TRABD2B: variants seen among roughly 807,000 people sequenced by gnomAD.
The protein encoded by TRABD2B is TraB domain containing 2B, also known as metalloprotease TIKI2.
TRABD2B carries 14 observed loss-of-function variants against 40.1 expected under a neutral mutation model. The ratio of observed to expected loss-of-function variants is 0.35; its 90% CI spans 0.23 to 0.55. TRABD2B has a LOEUF of 0.55. Among genes scored for constraint, TRABD2B ranks in the 20% least tolerant of loss-of-function variants. TRABD2B has a pLI of 0.90. For missense variants in TRABD2B, 541 were observed against 648.6 expected (o/e 0.83, Z 1.80); for synonymous variants, 263 against 277.0 (o/e 0.95, Z 0.50).
rs79609807 is a variant in TRABD2B, at chr1:47,833,169, G to A, written c.667-31550C>T. Among the ~76,000 whole-genome samples the A allele has an allele frequency of 7.0e-3, 1,061 of 152,318 alleles. 21 individuals are homozygous for A. Among genetic ancestry groups the A allele is most frequent in the African/African-American group, 0.025 (1,021 of 41,562 alleles). ...GTCAGCACTGATGACTGGAATCCCAGGCTCTGTGGGGGATGGTGGCAGAGA... is the reference window on the plus strand; with the variant it reads ...GTCAGCACTGATGACTGGAATCCCAAGCTCTGTGGGGGATGGTGGCAGAGA... On this transcript the variant is annotated intron_variant, in intron 2 of 6. Coordinates refer to ENST00000606738, the MANE Select transcript of TRABD2B (RefSeq NM_001194986.2).
chr1:47,849,894 T>C (rs1645524412), intron 2 of TRABD2B, among the ~76,000 whole-genome samples: 1 of 152,214 alleles, frequency 6.6e-6, no homozygotes, highest in Admixed American at 6.5e-5. Flanking sequence ...AATCCCCTGA[T>C]GGGACATTTG....
intron 2 of TRABD2B, among the ~76,000 whole-genome samples, chr1:47,868,307 T>C (rs1439437940): frequency 6.6e-6 from 1 of 152,124 alleles, no homozygotes; most frequent in Non-Finnish European, 1.5e-5. Context: ...GGTAAACACT[T>C]TTCAGTGAAG....
chr1:47,990,787 AT>A (rs1557699629), intron 2 of TRABD2B, among the ~76,000 whole-genome samples: 1 of 18,376 alleles, frequency 5.4e-5, no homozygotes, highest in Non-Finnish European at 9.6e-5. Context: ...ATATATATAT[AT>A]ATATATATAT....
chr1:47,893,016 T>C (rs2124656893), intron 2 of TRABD2B, among the ~76,000 whole-genome samples: 1 of 152,298 alleles, frequency 6.6e-6, no homozygotes, highest in South Asian at 2.1e-4. Flanking sequence ...AGTACATAAA[T>C]GGTGCTGAGG....
At chr1:47,810,368 C>G (rs1243123685) in intron 2 of TRABD2B, among the ~76,000 whole-genome samples, 3 of 151,818 alleles carry the variant, frequency 2.0e-5, no homozygotes, top group Non-Finnish European at 2.9e-5. Context: ...TCACCCCCTG[C>G]CCCCCCGCCA....
chr1:47,817,694 T>C (rs1472101829), intron 2 of TRABD2B, among the ~76,000 whole-genome samples: 1 of 152,148 alleles, frequency 6.6e-6, no homozygotes, highest in African/African-American at 2.4e-5. Flanking sequence ...TGATATCTGC[T>C]CCTCTAGGGA....
intron 2 of TRABD2B, among the ~76,000 whole-genome samples, chr1:47,872,351 T>C (rs931064329): frequency 7.2e-5 from 11 of 152,112 alleles, no homozygotes; most frequent in Admixed American, 1.3e-4. Flanking sequence ...CTTAACCTCA[T>C]AGACCTCACT....
Position 47,760,740 on chromosome 1 carries a change from C to T in TRABD2B, c.*5162G>A, listed in dbSNP as rs1366136701. 1 of 152,182 alleles carries T rather than the reference C, an allele frequency of 6.6e-6. No individual in the cohort carries two copies. The highest frequency in any genetic ancestry group is 1.5e-5 in the Non-Finnish European group (1 of 68,054). The allele number at this position is 152,182 out of a possible 1,614,324, so 9.4% of individuals were successfully genotyped here. On this transcript the variant is annotated 3_prime_UTR_variant, in exon 7 of 7. Coordinates refer to ENST00000606738, the MANE Select transcript of TRABD2B (RefSeq NM_001194986.2). ...AAGCCTGTGTTGCACAGTGAATCAA[C>T]TCGGGGACAAGCTCTGTGAGGCTCA...
At chr1:47,953,411 A>T (rs1230018487) in intron 2 of TRABD2B, among the ~76,000 whole-genome samples, 1 of 152,186 alleles carries the variant, frequency 6.6e-6, no homozygotes, top group Non-Finnish European at 1.5e-5. Flanking sequence ...TTTTGCCCTA[A>T]ATACTGTGTA....
At chr1:47,855,281 G>GT (rs1441828076) in intron 2 of TRABD2B, among the ~76,000 whole-genome samples, 1 of 152,110 alleles carries the variant, frequency 6.6e-6, no homozygotes, top group East Asian at 1.9e-4. Context: ...TGTTTCACAT[G>GT]TTTTTTAAAA....
At chr1:47,945,625 T>C (rs2148371198) in intron 2 of TRABD2B, among the ~76,000 whole-genome samples, 1 of 152,330 alleles carries the variant, frequency 6.6e-6, no homozygotes, top group East Asian at 1.9e-4. Flanking sequence ...TTTCTGTCTC[T>C]ATAGTTTTTC....
rs1341061171 is a variant in TRABD2B at position 47,996,981 on chromosome 1, T to A, written c.-192A>T. On this transcript the variant is annotated 5_prime_UTR_variant, in exon 1 of 7. Transcript: ENST00000606738. The surrounding 1 kb of genome is among the most constrained non-coding windows in gnomAD (Gnocchi z 4.6). The stretch of plus-strand genomic sequence containing the variant: ...TTCTCTGGGGCCGGGCTCCGTCTGT[T>A]GGAAGAGGGAGACCCTCTAGGGCTG... The A allele has an allele frequency of 9.1e-7, 1 of 1,096,974 alleles. No individual in the cohort carries two copies. Among genetic ancestry groups the A allele is most frequent in the Non-Finnish European group, 1.1e-6 (1 of 903,466 alleles). The allele number at this position is 1,096,974 out of a possible 1,614,324, so 68.0% of individuals were successfully genotyped here. A position where few individuals can be genotyped will look rare whatever the true frequency, so the allele number is the denominator to read the frequency against.
chr1:47,930,471 G>A (rs965751098), intron 2 of TRABD2B, among the ~76,000 whole-genome samples: 1 of 152,082 alleles, frequency 6.6e-6, no homozygotes, highest in Non-Finnish European at 1.5e-5. Context: ...TAGGAAGTGG[G>A]GAGAGAGGAG....
rs1422202561 is a variant in TRABD2B, at chr1:47,813,208, CT to C, written c.667-11590del. 6.6e-6 allele frequency among the ~76,000 whole-genome samples: 1 copy of C among 152,178 alleles called. No individual in the cohort carries two copies. Among genetic ancestry groups the C allele is most frequent in the African/African-American group, 2.4e-5 (1 of 41,434 alleles). The stretch of plus-strand genomic sequence containing the variant: ...AATTCCTAGAGGGCCCCTCTAATTC[CT>C]CTGGTCTGACCACATAGCAATTACC... On this transcript the variant is annotated intron_variant, in intron 2 of 6. Transcript: ENST00000606738. This position sits in a 1 kb window ranked among gnomAD's most constrained non-coding sequence, Gnocchi z 4.3.
At chr1:47,840,465 G>A (rs1439783745) in intron 2 of TRABD2B, among the ~76,000 whole-genome samples, 1 of 152,104 alleles carries the variant, frequency 6.6e-6, no homozygotes, top group Non-Finnish European at 1.5e-5. Context: ...TCTCTGCTTA[G>A]ACAGACCCTA....
chr1:47,877,662 T>C (rs2124613401), intron 2 of TRABD2B, among the ~76,000 whole-genome samples: 1 of 152,284 alleles, frequency 6.6e-6, no homozygotes, highest in South Asian at 2.1e-4. Context: ...TGAAGGGATG[T>C]GTGTAGTAGC....
At chr1:47,967,893 T>C (rs1244958908) in intron 2 of TRABD2B, among the ~76,000 whole-genome samples, 1 of 152,266 alleles carries the variant, frequency 6.6e-6, no homozygotes, top group Non-Finnish European at 1.5e-5. Context: ...TCATGATACC[T>C]AACGGTTATA....
chr1:47,994,665 A>ACTCTACTCTCC lies in TRABD2B; in HGVS notation c.103-69_103-68insGGAGAGTAGAG. Reference sequence around the variant, plus strand: ...ACAGAGTAGAGTCAGGGTAGCCCAGAGGCACGTTGCAGAGGGAGGTGGGGA... The same window carrying ACTCTACTCTCC: ...ACAGAGTAGAGTCAGGGTAGCCCAGACTCTACTCTCCGGCACGTTGCAGAGGGAGGTGGGGA... On this transcript the variant is annotated intron_variant, in intron 1 of 6. Coordinates refer to ENST00000606738, the MANE Select transcript of TRABD2B (RefSeq NM_001194986.2). The surrounding 1 kb of genome is among the most constrained non-coding windows in gnomAD (Gnocchi z 6.7). 7.1e-7 allele frequency: 1 copy of ACTCTACTCTCC among 1,413,780 alleles called. No individual in the cohort carries two copies. Among genetic ancestry groups the ACTCTACTCTCC allele is most frequent in the Admixed American group, 2.2e-5 (1 of 46,494 alleles). 87.6% of individuals were successfully genotyped at this position (1,413,780 alleles called of 1,614,324 possible).
rs1365663316 is a variant in TRABD2B at position 47,964,585 on chromosome 1, G to A, written c.666+29449C>T. Among the ~76,000 whole-genome samples, 4 of 152,212 alleles carry A rather than the reference G, an allele frequency of 2.6e-5. No homozygotes were observed. The East Asian group carries it at 7.7e-4, about 29-fold the overall frequency. On this transcript the variant is annotated intron_variant, in intron 2 of 6. Transcript: ENST00000606738. The stretch of plus-strand genomic sequence containing the variant: ...TTCTAATCAGGAAAAAGATGACAGA[G>A]TTTGAGCCATGGATATTGATATATT...
Sources: allele counts gnomAD v4.1 joint callset (sites outside exome capture counted in the v4.1 genomes callset), GRCh38; gene constraint gnomAD v4.1.1; non-coding constraint Gnocchi (gnomAD v3.1); transcripts MANE v1.5; gene names NCBI Gene and HGNC (gene_info 2026-07-23, HGNC 2026-07-21).